The following UBE2K variants were observed in gnomAD, a reference collection of about 807,000 sequenced individuals.
UBE2K encodes the protein ubiquitin-conjugating enzyme E2 K.
A neutral mutation model predicts 30.0 loss-of-function variants in UBE2K; 6 were observed. That is an observed-to-expected ratio of 0.20 (90% CI 0.11 to 0.39). UBE2K has a LOEUF of 0.39. UBE2K is among the 10% of genes least tolerant of loss of function. The pLI, the probability that UBE2K is intolerant of heterozygous loss-of-function variation, is 1.00. For missense variants in UBE2K, 61 were observed against 241.6 expected, an observed-to-expected ratio of 0.25 and a Z score of 4.96; for synonymous variants, 86 against 83.7, an observed-to-expected ratio of 1.03 and a Z score of -0.15.
chr4:39,773,654 G>A (rs1713076235), intron 4 of UBE2K, among the ~76,000 whole-genome samples: 1 of 152,046 alleles, frequency 6.6e-6, no homozygotes, highest in African/African-American at 2.4e-5. Flanking sequence ...GGGCGCGGTG[G>A]CTCACGCCTG....
chr4:39,771,457 C>G, intron 4 of UBE2K: 1 of 1,567,400 alleles, frequency 6.4e-7, no homozygotes, highest in South Asian at 1.2e-5. Context: ...GTGGGCAACC[C>G]TGGCCCGGTT....
intron 1 of UBE2K, among the ~76,000 whole-genome samples, chr4:39,734,599 C>G (rs557589819): frequency 6.6e-6 from 1 of 152,100 alleles, no homozygotes; most frequent in East Asian, 1.9e-4. Flanking sequence ...TCACTTGAGC[C>G]CAGGAGTTCA....
At chr4:39,700,660 C>G (rs1717957894) in intron 1 of UBE2K, among the ~76,000 whole-genome samples, 1 of 152,118 alleles carries the variant, frequency 6.6e-6, no homozygotes, top group Non-Finnish European at 1.5e-5. Context: ...AATGGCTGAT[C>G]AAATAAATGT....
chr4:39,740,775 A>G (rs1252418541), intron 2 of UBE2K, among the ~76,000 whole-genome samples: 1 of 144,734 alleles, frequency 6.9e-6, no homozygotes, highest in African/African-American at 2.6e-5. Flanking sequence ...AGGCAGGAGA[A>G]TGGTGTGAAC....
At chr4:39,712,249 T>C (rs1718741505) in intron 1 of UBE2K, among the ~76,000 whole-genome samples, 1 of 133,002 alleles carries the variant, frequency 7.5e-6, no homozygotes, top group African/African-American at 2.9e-5. Context: ...TCACCCAGGC[T>C]GGAGTGCAGT....
At chr4:39,713,813 ACT>A (rs1560343018) in intron 1 of UBE2K, 1 of 151,570 alleles carries the variant, frequency 6.6e-6, no homozygotes. Flanking sequence ...AAAAAAAAAA[ACT>A]CTGAGTATAC....
intron 4 of UBE2K, among the ~76,000 whole-genome samples, chr4:39,757,102 T>C (rs1711543443): frequency 6.8e-6 from 1 of 147,336 alleles, no homozygotes; most frequent in South Asian, 2.3e-4. Context: ...CTTGGCTCAC[T>C]GCAACCTCTG....
chr4:39,781,713 TTAGA>T lies in UBE2K; in HGVS notation c.*3283_*3286del. The T allele has an allele frequency of 2.6e-6, 1 of 384,354 alleles. No individual in the cohort carries two copies. The allele number at this position is 384,354 out of a possible 1,614,324, so 23.8% of individuals were successfully genotyped here. A position where few individuals can be genotyped will look rare whatever the true frequency, so the allele number is the denominator to read the frequency against. On this transcript the variant is annotated 3_prime_UTR_variant, in exon 7 of 7. Transcript: ENST00000261427. ...TCTAGTATGTAGAGGGAAACAATGTTTAGATAGGAAAAAGGAAGCCGTCTGTTTA... is the reference window on the plus strand; with the variant it reads ...TCTAGTATGTAGAGGGAAACAATGTTTAGGAAAAAGGAAGCCGTCTGTTTA...
chr4:39,771,030 A>G (rs1578505570), intron 4 of UBE2K: 1 of 1,612,222 alleles, frequency 6.2e-7, no homozygotes, highest in East Asian at 2.2e-5. Flanking sequence ...CACGGACCCC[A>G]TCCTCTTTGA....
At chr4:39,701,872 C>T (rs536141243) in intron 1 of UBE2K, among the ~76,000 whole-genome samples, 9 of 151,500 alleles carry the variant, frequency 5.9e-5, no homozygotes, top group Admixed American at 3.3e-4. Context: ...GAGATTCTGC[C>T]GCCTTAGCCT....
intron 1 of UBE2K, among the ~76,000 whole-genome samples, chr4:39,713,643 C>T (rs1718843079): frequency 6.6e-6 from 1 of 151,784 alleles, no homozygotes; most frequent in South Asian, 2.1e-4. Flanking sequence ...GTGTAGCTAT[C>T]ACCACCATCC....
At position 39,757,011 on chromosome 4, in the gene UBE2K, G is replaced by GTTTTT. The variant is rs1354761879; in HGVS notation, c.299+1274_299+1278dup. ...ATGTTTTTTTGGGTGTTTTTTTTTT[G>GTTTTT]TTTTTTGTTTTTTGTTTTTTGTTTT... On this transcript the variant is annotated intron_variant, in intron 4 of 6. Coordinates refer to ENST00000261427, the MANE Select transcript of UBE2K (RefSeq NM_005339.5). 4.0e-3 allele frequency among the ~76,000 whole-genome samples: 304 copies of GTTTTT among 76,766 alleles called. 33 individuals are homozygous for GTTTTT. Among genetic ancestry groups the GTTTTT allele is most frequent in the South Asian group, 6.7e-3 (15 of 2,230 alleles). 50.4% of individuals were successfully genotyped at this position (76,766 alleles called of 152,430 possible).
Position 39,774,927 on chromosome 4 carries a change from A to T in UBE2K, c.393A>T (p.Ala131=). 6.3e-7 allele frequency: 1 copy of T among 1,598,414 alleles called. No individual in the cohort carries two copies. The highest frequency in any genetic ancestry group is 8.5e-7 in the Non-Finnish European group (1 of 1,170,542). The change falls in exon 5 of 7, where the codon GCA becomes GCT. Residue 131 remains alanine (A), a synonymous_variant. Coordinates refer to ENST00000261427, the MANE Select transcript of UBE2K (RefSeq NM_005339.5). ...EPDDPQDAVV[A]NQYKQNPEMF... ...ATGATCCACAGGATGCTGTAGTAGCAAATCAGGTAAGATGGCCGCTTTTGA... is the reference window on the plus strand; with the variant it reads ...ATGATCCACAGGATGCTGTAGTAGCTAATCAGGTAAGATGGCCGCTTTTGA...
chr4:39,759,867 A>G (rs182327238), intron 4 of UBE2K, among the ~76,000 whole-genome samples: 5 of 152,228 alleles, frequency 3.3e-5, no homozygotes. Context: ...TACCTCATGC[A>G]TTGCTGGTAA....
chr4:39,757,018 G>GT (rs1227834116), intron 4 of UBE2K, among the ~76,000 whole-genome samples: 853 of 72,018 alleles, frequency 0.012, 162 homozygotes, highest in Admixed American at 0.068. Flanking sequence ...TTTGTTTTTT[G>GT]TTTTTTGTTT....
chr4:39,747,253 G>T (rs530522314), intron 3 of UBE2K, among the ~76,000 whole-genome samples: 115 of 152,072 alleles, frequency 7.6e-4, no homozygotes, highest in Non-Finnish European at 1.5e-3. Flanking sequence ...CAGTTCAGTG[G>T]CAGTGTATTT....
At chr4:39,715,087 G>A (rs1421138855) in intron 1 of UBE2K, among the ~76,000 whole-genome samples, 3 of 148,704 alleles carry the variant, frequency 2.0e-5, no homozygotes, top group South Asian at 2.2e-4. Context: ...GTGCAGTGGC[G>A]CGATCTCGGC....
chr4:39,771,198 G>T (rs990174469), intron 4 of UBE2K: 25 of 1,612,792 alleles, frequency 1.6e-5, no homozygotes, highest in African/African-American at 2.7e-5. Flanking sequence ...GGTCGGCCAC[G>T]ATGCGTGCAC....
rs117985064 is a variant in UBE2K, at chr4:39,716,541, G to A, written c.63+18151G>A. On this transcript the variant is annotated intron_variant, in intron 1 of 6. Coordinates refer to ENST00000261427, the MANE Select transcript of UBE2K (RefSeq NM_005339.5). ...TGGGATTACAGGCATGAGCCGCTGC[G>A]CCCAGCCCAGATGGACTATTTGTAT... Among the ~76,000 whole-genome samples the A allele has an allele frequency of 7.3e-4, 111 of 152,216 alleles. 3 individuals carry two copies. The East Asian group carries it at 0.018, about 24-fold the overall frequency.
Sources: allele counts gnomAD v4.1 joint callset (sites outside exome capture counted in the v4.1 genomes callset), GRCh38; gene constraint gnomAD v4.1.1; transcripts MANE v1.5; gene names NCBI Gene and HGNC (gene_info 2026-07-23, HGNC 2026-07-21).